ARID1B: variants seen among roughly 807,000 people sequenced by gnomAD.
ARID1B encodes the protein AT-rich interactive domain-containing protein 1B.
Under a neutral mutation model 212.3 loss-of-function variants are expected in ARID1B, and 30 were observed. The ratio of observed to expected loss-of-function variants is 0.14; its 90% CI spans 0.11 to 0.19. ARID1B has a LOEUF of 0.19. Among genes scored for constraint, ARID1B ranks in the 10% least tolerant of loss-of-function variants. The pLI, the probability that ARID1B is intolerant of heterozygous loss-of-function variation, is 1.00. For synonymous variants in ARID1B, 1,402 were observed against 1,301.7 expected (o/e 1.08, Z -1.66); for missense variants, 2,891 against 3,204.0 (o/e 0.90, Z 2.36).
At chr6:157,066,650 C>T (rs1183016509) in intron 4 of ARID1B, among the ~76,000 whole-genome samples, 2 of 152,132 alleles carry the variant, frequency 1.3e-5, no homozygotes, top group East Asian at 3.9e-4. Context: ...CGTTAGGATA[C>T]TGGGAGTGGT....
At chr6:157,090,341 A>G (rs1198791063) in intron 5 of ARID1B, among the ~76,000 whole-genome samples, 1 of 152,206 alleles carries the variant, frequency 6.6e-6, no homozygotes, top group African/African-American at 2.4e-5. Context: ...ATTAATGAAG[A>G]TCTAAGGATA....
At chr6:156,926,075 C>T (rs1200971606) in intron 3 of ARID1B, among the ~76,000 whole-genome samples, 1 of 152,174 alleles carries the variant, frequency 6.6e-6, no homozygotes, top group Non-Finnish European at 1.5e-5. Context: ...AGATCTGTGG[C>T]TGCATAAGGC....
intron 2 of ARID1B, chr6:156,829,695 T>C: frequency 3.0e-6 from 1 of 334,914 alleles, no homozygotes; most frequent in Admixed American, 4.5e-5. Context: ...TTGCAGCAGG[T>C]TATAACAGAT....
intron 8 of ARID1B, among the ~76,000 whole-genome samples, chr6:157,158,539 T>G (rs1401210232): frequency 1.3e-5 from 2 of 152,224 alleles, no homozygotes; most frequent in African/African-American, 4.8e-5. Context: ...CCCCTCGCAC[T>G]GCTAAAACTC....
chr6:156,840,982 G>A (rs1783859446), intron 2 of ARID1B, among the ~76,000 whole-genome samples: 1 of 152,184 alleles, frequency 6.6e-6, no homozygotes, highest in Non-Finnish European at 1.5e-5. Context: ...CCCAACACCA[G>A]TCATTCAACA....
chr6:157,148,518 T>C lies in ARID1B; in HGVS notation c.2762-106T>C. 5.5e-6 allele frequency: 7 copies of C among 1,274,300 alleles called. No individual in the cohort carries two copies. The highest frequency in any genetic ancestry group is 1.4e-5 in the South Asian group (1 of 70,142). 78.9% of individuals were successfully genotyped at this position (1,274,300 alleles called of 1,614,324 possible). A position where few individuals can be genotyped will look rare whatever the true frequency, so the allele number is the denominator to read the frequency against. ...CAACAGGAAGGGCCTATAACGGTCA[T>C]GACTAATACTCCGTGCTGATCGCAT... On this transcript the variant is annotated intron_variant, in intron 7 of 19. Coordinates refer to ENST00000636930, the MANE Select transcript of ARID1B (RefSeq NM_001374828.1). This position sits in a 1 kb window ranked among gnomAD's most constrained non-coding sequence, Gnocchi z 5.6.
chr6:157,133,059 G>T lies in ARID1B; in HGVS notation c.2613G>T (p.Gln871His). 2 of 1,606,722 alleles carry T rather than the reference G, an allele frequency of 1.2e-6. No homozygotes were observed. Among genetic ancestry groups the T allele is most frequent in the Non-Finnish European group, 1.7e-6 (2 of 1,178,140 alleles). The change falls in exon 7 of 20, where the codon CAG (glutamine) becomes CAT (histidine). Residue 871 changes from glutamine (Q) to histidine (H), a missense_variant. This residue lies in a region of ARID1B where 1,643 missense variants were observed against 1,544.0 expected (regional missense o/e 1.06). Coordinates refer to ENST00000636930, the MANE Select transcript of ARID1B (RefSeq NM_001374828.1). ...TGGCAGGCACACAAAGAAACCCTCA[G>T]ATGGCTCAGTATGGACCTCAACAGA... ...GFMAGTQRNP[Q>H]MAQYGPQQTG... is the part of the protein sequence containing the mutation.
At chr6:157,065,661 T>C (rs574629349) in intron 4 of ARID1B, among the ~76,000 whole-genome samples, 4 of 152,248 alleles carry the variant, frequency 2.6e-5, no homozygotes, top group Non-Finnish European at 5.9e-5. Context: ...TCAGTTGGAC[T>C]TCTTGCTTTT....
chr6:156,778,906 G>T lies in ARID1B; in HGVS notation c.1226G>T (p.Gly409Val). 1.5e-6 allele frequency: 2 copies of T among 1,367,118 alleles called. No individual in the cohort carries two copies. The highest frequency in any genetic ancestry group is 1.9e-6 in the Non-Finnish European group (2 of 1,062,180). 84.7% of individuals were successfully genotyped at this position (1,367,118 alleles called of 1,614,324 possible). A position where few individuals can be genotyped will look rare whatever the true frequency, so the allele number is the denominator to read the frequency against. ...GGGGSGGGGGGGGAGAGGAGA... is the reference protein window; with the variant it reads ...GGGGSGGGGGVGGAGAGGAGA... ...GGAGGCAGCGGAGGAGGAGGAGGAG[G>T]AGGAGGAGCAGGAGCAGGAGGAGCA... The change falls in exon 1 of 20, where the codon GGA becomes GTA. Residue 409 changes from glycine (G) to valine (V), a missense_variant. Gly to Val is a moderately radical substitution (Grantham distance 109). Coordinates refer to ENST00000636930, the MANE Select transcript of ARID1B (RefSeq NM_001374828.1).
In ARID1B at chr6:156,877,102, G is replaced by A. The variant is rs746158586; in HGVS notation, c.1987-24274G>A. On this transcript the variant is annotated intron_variant, in intron 2 of 19. Transcript: ENST00000636930. ...TACTCTCAAAGGTTCTATGAATCCCGAATGTTTAGCAACCACTTATTATTT... is the reference window on the plus strand; with the variant it reads ...TACTCTCAAAGGTTCTATGAATCCCAAATGTTTAGCAACCACTTATTATTT... Among the ~76,000 whole-genome samples, 6 of 152,232 alleles carry A rather than the reference G, an allele frequency of 3.9e-5. No homozygotes were observed. In the South Asian group the frequency reaches 8.3e-4, roughly 21 times the overall value.
chr6:157,080,608 A>G (rs1449952122), intron 4 of ARID1B, among the ~76,000 whole-genome samples: 1 of 152,134 alleles, frequency 6.6e-6, no homozygotes, highest in Non-Finnish European at 1.5e-5. Flanking sequence ...GCCCCAACAT[A>G]GAGAATCTGA....
chr6:156,852,563 T>A (rs287921), intron 2 of ARID1B, among the ~76,000 whole-genome samples: 3 of 151,924 alleles, frequency 2.0e-5, no homozygotes, highest in Admixed American at 6.5e-5. Flanking sequence ...ATGTAATTTT[T>A]CCCCCTCTGA....
chr6:156,838,415 C>G (rs546724878), intron 2 of ARID1B, among the ~76,000 whole-genome samples: 1 of 152,242 alleles, frequency 6.6e-6, no homozygotes, highest in South Asian at 2.1e-4. Flanking sequence ...TGGAGACAAA[C>G]GTCTTTTGGA....
chr6:156,938,837 T>G (rs2128281933), intron 4 of ARID1B: 1 of 152,344 alleles, frequency 6.6e-6, no homozygotes, highest in East Asian at 1.9e-4. Flanking sequence ...AACCTGTTTT[T>G]CTATATTTGC....
intron 4 of ARID1B, among the ~76,000 whole-genome samples, chr6:156,948,239 T>C (rs974866253): frequency 4.6e-5 from 7 of 152,258 alleles, no homozygotes; most frequent in Admixed American, 2.6e-4. Flanking sequence ...CTATTTAATA[T>C]GTTTTTGAGA....
intron 2 of ARID1B, among the ~76,000 whole-genome samples, chr6:156,846,146 A>ATTT (rs778943522): frequency 9.7e-6 from 1 of 103,616 alleles, no homozygotes; most frequent in Non-Finnish European, 2.2e-5. Context: ...GTTGGAGGCT[A>ATTT]TTTTTTTTGT....
intron 4 of ARID1B, among the ~76,000 whole-genome samples, chr6:156,974,471 TTTTG>T (rs1411385979): frequency 2.0e-5 from 3 of 152,140 alleles, no homozygotes; most frequent in African/African-American, 7.2e-5. Flanking sequence ...ACTGTTGTAA[TTTTG>T]TTTAAGATTG....
intron 4 of ARID1B, among the ~76,000 whole-genome samples, chr6:157,070,132 T>G (rs1783920990): frequency 6.6e-6 from 1 of 152,202 alleles, no homozygotes; most frequent in South Asian, 2.1e-4. Flanking sequence ...ATCATTTTTT[T>G]TCTATTTTGT....
At chr6:157,186,430 G>A (rs894806745) in intron 13 of ARID1B, 1 of 471,118 alleles carries the variant, frequency 2.1e-6, no homozygotes, top group Non-Finnish European at 4.4e-6. Context: ...CCAGCCCCGA[G>A]AGCGCGTGCA....
Sources: allele counts gnomAD v4.1 joint callset (sites outside exome capture counted in the v4.1 genomes callset), GRCh38; gene constraint gnomAD v4.1.1; regional missense constraint gnomAD v4.1.1; non-coding constraint Gnocchi (gnomAD v3.1); transcripts MANE v1.5; gene names NCBI Gene and HGNC (gene_info 2026-07-23, HGNC 2026-07-21).